TSPEAR: variants seen among roughly 807,000 people sequenced by gnomAD.
TSPEAR encodes the protein thrombospondin-type laminin G domain and EAR repeat-containing protein.
TSPEAR carries 69 observed loss-of-function variants against 71.6 expected under a neutral mutation model. The observed-to-expected ratio is 0.96, with a 90% CI of 0.79 to 1.18. The LOEUF is 1.18. Among genes scored for constraint, TSPEAR ranks in the 50% most tolerant of loss-of-function variants. The pLI is 0.00. For synonymous variants in TSPEAR, 402 were observed against 387.2 expected (o/e 1.04, Z -0.45); for missense variants, 971 against 894.9 (o/e 1.09, Z -1.09).
chr21:44,652,876 G>C (rs1807645844), intron 1 of TSPEAR, among the ~76,000 whole-genome samples: 1 of 152,172 alleles, frequency 6.6e-6, no homozygotes. Context: ...GAGTCTTCTG[G>C]CGGGGTGTGG....
Position 44,506,485 on chromosome 21 carries a change from C to T in TSPEAR, c.1755-1604G>A, listed in dbSNP as rs1007018404. Among the ~76,000 whole-genome samples the T allele has an allele frequency of 7.9e-5, 12 of 152,234 alleles. No individual in the cohort carries two copies. Among genetic ancestry groups the T allele is most frequent in the Admixed American group, 2.6e-4 (4 of 15,288 alleles). ...TTGTGGGGCCGGCCTGCAGCAGGGG[C>T]TCAGACAGGGCCTTGGGAGAGGGAG... On this transcript the variant is annotated intron_variant, in intron 10 of 11. Transcript: ENST00000323084. The surrounding 1 kb of genome is among the most constrained non-coding windows in gnomAD (Gnocchi z 4.2).
At position 44,535,233 on chromosome 21, in the gene TSPEAR, C is replaced by T. The variant is rs952533237; in HGVS notation, c.304-1310G>A. 5.9e-5 allele frequency among the ~76,000 whole-genome samples: 9 copies of T among 152,102 alleles called. No homozygotes were observed. The East Asian group carries it at 9.6e-4, about 16-fold the overall frequency. Reference sequence around the variant, plus strand: ...AGTTTCGATGGTAAATTTTACATTACGTGTATTTTACCACAATTAAAAAAC... The same window carrying T: ...AGTTTCGATGGTAAATTTTACATTATGTGTATTTTACCACAATTAAAAAAC... On this transcript the variant is annotated intron_variant, in intron 2 of 11. Coordinates refer to ENST00000323084, the MANE Select transcript of TSPEAR (RefSeq NM_144991.3).
chr21:44,690,035 T>A (rs1987060508), intron 1 of TSPEAR, among the ~76,000 whole-genome samples: 1 of 151,948 alleles, frequency 6.6e-6, no homozygotes, highest in East Asian at 1.9e-4. Context: ...CAAATGTGAA[T>A]CTCCTTTGGC....
At chr21:44,528,971 G>C (rs781920307) in intron 5 of TSPEAR, among the ~76,000 whole-genome samples, 104 of 152,354 alleles carry the variant, frequency 6.8e-4, no homozygotes, top group Non-Finnish European at 1.2e-3. Context: ...GCTTGAACCT[G>C]TGGCGGTTTG....
At chr21:44,603,087 C>A (rs917669694) in intron 1 of TSPEAR, among the ~76,000 whole-genome samples, 21 of 151,966 alleles carry the variant, frequency 1.4e-4, no homozygotes, top group Non-Finnish European at 2.8e-4. Flanking sequence ...CTGGGTGAGG[C>A]CAGGCCATCG....
intron 1 of TSPEAR, among the ~76,000 whole-genome samples, chr21:44,709,571 C>A (rs1988111165): frequency 6.6e-6 from 1 of 152,266 alleles, no homozygotes; most frequent in South Asian, 2.1e-4. Context: ...CAGACCCGAA[C>A]CCCCAGCCTC....
chr21:44,525,335 G>A (rs73379215), intron 8 of TSPEAR, among the ~76,000 whole-genome samples: 11,964 of 151,930 alleles, frequency 0.079, 1,620 homozygotes, highest in African/African-American at 0.27. Flanking sequence ...GTAGTCAGTC[G>A]GGTAGTCAGT....
intron 2 of TSPEAR, chr21:44,539,402 G>T: frequency 1.2e-6 from 2 of 1,602,164 alleles, no homozygotes; most frequent in East Asian, 2.2e-5. Context: ...GGCACAGCAG[G>T]AGGAGACAGG....
chr21:44,710,805 G>A lies in TSPEAR; in HGVS notation c.82+628C>T, dbSNP rs914989782. ...GTCATGGTCATGAGCAAGCCAAACAGCCTTTCTAAAAGGTGGGAAGGAGAC... is the reference window on the plus strand; with the variant it reads ...GTCATGGTCATGAGCAAGCCAAACAACCTTTCTAAAAGGTGGGAAGGAGAC... On this transcript the variant is annotated intron_variant, in intron 1 of 11. Transcript: ENST00000323084. The surrounding 1 kb of genome is among the most constrained non-coding windows in gnomAD (Gnocchi z 4.6). Among the ~76,000 whole-genome samples the A allele has an allele frequency of 6.6e-6, 1 of 152,212 alleles. No individual in the cohort carries two copies. Among genetic ancestry groups the A allele is most frequent in the Non-Finnish European group, 1.5e-5 (1 of 68,038 alleles).
chr21:44,645,692 T>A (rs1555939412), intron 1 of TSPEAR, among the ~76,000 whole-genome samples: 1 of 152,144 alleles, frequency 6.6e-6, no homozygotes, highest in East Asian at 1.9e-4. Flanking sequence ...TTTTATTTCA[T>A]ATGAAGTGTA....
Position 44,687,652 on chromosome 21 carries a change from CAGA to C in TSPEAR, c.82+23778_82+23780del, listed in dbSNP as rs1209535081. ...ATTGGGTGAAATTGACTGGGGAAGG[CAGA>C]AGAGTTCTGGAGAGGATGGTAAAGT... On this transcript the variant is annotated intron_variant, in intron 1 of 11. Coordinates refer to ENST00000323084, the MANE Select transcript of TSPEAR (RefSeq NM_144991.3). The surrounding 1 kb of genome is among the most constrained non-coding windows in gnomAD (Gnocchi z 4.4). 1.3e-5 allele frequency among the ~76,000 whole-genome samples: 2 copies of C among 152,114 alleles called. No homozygotes were observed. The highest frequency in any genetic ancestry group is 1.3e-4 in the Admixed American group (2 of 15,284).
intron 1 of TSPEAR, among the ~76,000 whole-genome samples, chr21:44,621,158 T>C (rs1220434497): frequency 6.6e-6 from 1 of 152,234 alleles, no homozygotes; most frequent in Non-Finnish European, 1.5e-5. Context: ...TTTTTGCACA[T>C]ATCTGTTAGA....
At chr21:44,686,737 G>C (rs1445787766) in intron 1 of TSPEAR, 1 of 152,272 alleles carries the variant, frequency 6.6e-6, no homozygotes, top group Non-Finnish European at 1.5e-5. Context: ...TCAGTCCCTG[G>C]TGACAGATCC....
chr21:44,681,861 A>T, intron 1 of TSPEAR: 1 of 1,612,918 alleles, frequency 6.2e-7, no homozygotes, highest in Non-Finnish European at 8.5e-7. Flanking sequence ...GCTGCAGGAG[A>T]TGGGTCTGCA....
At chr21:44,595,823 G>A (rs1555927547) in intron 1 of TSPEAR, among the ~76,000 whole-genome samples, 1 of 152,142 alleles carries the variant, frequency 6.6e-6, no homozygotes, top group Non-Finnish European at 1.5e-5. Context: ...TGCAAATTAT[G>A]TCATACTCTA....
intron 1 of TSPEAR, among the ~76,000 whole-genome samples, chr21:44,679,254 T>A (rs1428158022): frequency 1.3e-5 from 2 of 152,100 alleles, no homozygotes; most frequent in African/African-American, 2.4e-5. Flanking sequence ...ACTTTGGGGG[T>A]AGGTTTGCAT....
intron 9 of TSPEAR, among the ~76,000 whole-genome samples, chr21:44,513,922 G>T (rs143973799): frequency 6.6e-6 from 1 of 152,252 alleles, no homozygotes; most frequent in Non-Finnish European, 1.5e-5. Context: ...TGGGGGCAGC[G>T]CTACTGGATG....
At chr21:44,665,377 G>A (rs1985697576) in intron 1 of TSPEAR, among the ~76,000 whole-genome samples, 1 of 152,212 alleles carries the variant, frequency 6.6e-6, no homozygotes, top group African/African-American at 2.4e-5. Context: ...ACTGGGGAAC[G>A]TTTAACCTGA....
rs1555918717 is a variant in TSPEAR, at chr21:44,551,109, GC to G, written c.303+16675del. The stretch of plus-strand genomic sequence containing the variant: ...GCTAGACTGCTGGCAGCATGAAGAA[GC>G]CCCACAGCAGACGGGCACACAGCAC... On this transcript the variant is annotated intron_variant, in intron 2 of 11. Coordinates refer to ENST00000323084, the MANE Select transcript of TSPEAR (RefSeq NM_144991.3). The G allele has an allele frequency of 6.3e-5, 97 of 1,546,030 alleles. No homozygotes were observed. The African/African-American group carries it at 1.3e-3, about 20-fold the overall frequency.
Sources: gnomAD v4.1 joint callset for allele counts (sites outside exome capture counted in the v4.1 genomes callset) on GRCh38, gnomAD v4.1.1 for gene constraint, Gnocchi (gnomAD v3.1) non-coding constraint, MANE v1.5 for transcripts, NCBI Gene and HGNC (gene_info 2026-07-23, HGNC 2026-07-21) for gene names.